Variants in GLE1 observed in about 807,000 individuals in gnomAD.
The protein encoded by GLE1 is GLE1 RNA export mediator, also known as mRNA export factor GLE1.
In GLE1, 78 loss-of-function variants were observed where a neutral mutation model predicts 97.3. The ratio of observed to expected loss-of-function variants is 0.80; its 90% confidence interval spans 0.67 to 0.97. The LOEUF (loss-of-function observed/expected upper bound fraction) is 0.97, where lower values mean the gene tolerates loss of function less well. Ranked by LOEUF, GLE1 falls within the 50% of genes least tolerant of loss-of-function variation. GLE1 has a pLI of 0.00. For missense variants in GLE1, 753 were observed against 857.5 expected (o/e 0.88, Z 1.52); for synonymous variants, 302 against 313.4 (o/e 0.96, Z 0.39).
intron 9 of GLE1, among the ~76,000 whole-genome samples, chr9:128,531,553 C>T (rs1214398293): frequency 6.8e-5 from 10 of 148,042 alleles, no homozygotes; most frequent in South Asian, 2.2e-4. Context: ...TGGATGTCGC[C>T]GGGTGTGGTG....
At chr9:128,526,147 G>A (rs1182416844) in intron 7 of GLE1, among the ~76,000 whole-genome samples, 3 of 150,560 alleles carry the variant, frequency 2.0e-5, no homozygotes, top group African/African-American at 4.9e-5. Flanking sequence ...TCAGCCTCCC[G>A]AGTAGCTGGG....
At position 128,533,839 on chromosome 9, in the gene GLE1, C is replaced by T; in HGVS notation, c.1534C>T (p.Leu512Phe). The change falls in exon 11 of 16, where the codon CTC becomes TTC. Residue 512 changes from leucine to phenylalanine, a missense_variant. Transcript: ENST00000309971. Reference protein sequence around the residue: ...IAVVASGIWELHPRVGDLILA... With the variant: ...IAVVASGIWEFHPRVGDLILA... ...AGTTGTGGCATCCGGGATCTGGGAGCTCCACCCCAGAGTGGGGGACCTCAT... is the reference window on the plus strand; with the variant it reads ...AGTTGTGGCATCCGGGATCTGGGAGTTCCACCCCAGAGTGGGGGACCTCAT... 1 of 1,611,250 alleles carries T rather than the reference C, an allele frequency of 6.2e-7. No homozygotes were observed. Among genetic ancestry groups the T allele is most frequent in the South Asian group, 1.1e-5 (1 of 91,040 alleles).
intron 15 of GLE1, chr9:128,540,601 A>G (rs1471611452): frequency 1.7e-5 from 8 of 468,496 alleles, no homozygotes; most frequent in Non-Finnish European, 3.1e-5. Flanking sequence ...CCTCTCATTA[A>G]TATATATTTT....
intron 9 of GLE1, among the ~76,000 whole-genome samples, chr9:128,531,156 G>A (rs1370946891): frequency 6.8e-6 from 1 of 146,858 alleles, no homozygotes; most frequent in African/African-American, 2.5e-5. Flanking sequence ...AGAAGTTGCG[G>A]TGATCTGAGA....
rs549769200 is a variant in GLE1 at position 128,504,859 on chromosome 9, C to G, written c.54C>G (p.Asp18Glu). ...WETLKALRSS[D>E]KGRLCYYRDW... ...CCTTGAAGGCCCTACGCAGTTCCGA[C>G]AAAGGTCGCCTTTGCTACTACCGCG... Residue 18 changes from aspartate to glutamate, a missense_variant, in exon 1 of 16, where the codon GAC becomes GAG. Physicochemically the swap from Asp to Glu is conservative, Grantham distance 45. Transcript: ENST00000309971. The G allele has an allele frequency of 8.7e-5, 141 of 1,613,630 alleles. No individual in the cohort carries two copies. In the South Asian group the frequency reaches 1.2e-3, roughly 14 times the overall value.
At chr9:128,521,959 G>A (rs2132451974) in intron 3 of GLE1, among the ~76,000 whole-genome samples, 1 of 152,306 alleles carries the variant, frequency 6.6e-6, no homozygotes, top group East Asian at 1.9e-4. Context: ...ACTTTCCTTA[G>A]TGGAGGTCCA....
In GLE1 at chr9:128,513,134, G is replaced by A. The variant is rs1251305971; in HGVS notation, c.322-2395G>A. Among the ~76,000 whole-genome samples the A allele has an allele frequency of 6.6e-5, 10 of 152,218 alleles. 1 individual carries two copies. The South Asian group carries it at 1.2e-3, about 19-fold the overall frequency. On this transcript the variant is annotated intron_variant, in intron 2 of 15. Coordinates refer to ENST00000309971, the MANE Select transcript of GLE1 (RefSeq NM_001003722.2). The stretch of plus-strand genomic sequence containing the variant: ...ATTAATTAGTTCATGTAACTAGGAA[G>A]TCTAGGAGTGCATTTGGAATCACCT...
At chr9:128,532,652 T>G in intron 9 of GLE1, 1 of 934,594 alleles carries the variant, frequency 1.1e-6, no homozygotes, top group Non-Finnish European at 1.3e-6. Flanking sequence ...ACATCTCCAT[T>G]CTTATTTTAT....
chr9:128,516,246 C>T (rs982748712), intron 3 of GLE1, among the ~76,000 whole-genome samples: 1 of 152,068 alleles, frequency 6.6e-6, no homozygotes, highest in Non-Finnish European at 1.5e-5. Context: ...GCATGAGCCA[C>T]GATGCCCAGT....
Position 128,508,994 on chromosome 9 carries a change from C to T in GLE1, c.218C>T (p.Ser73Phe). Residue 73 changes from serine (S) to phenylalanine (F), a missense_variant, in exon 2 of 16, where the codon TCT (serine) becomes TTT (phenylalanine). Coordinates refer to ENST00000309971, the MANE Select transcript of GLE1 (RefSeq NM_001003722.2). ...CCTCTGTCTGAGACTTCGCCATCCT[C>T]TACGTCAGCTTCAGCCCTAGATCAA... ...NQPLSETSPS[S>F]TSASALDQPS... The T allele has an allele frequency of 6.2e-7, 1 of 1,612,800 alleles. No homozygotes were observed. Among genetic ancestry groups the T allele is most frequent in the Non-Finnish European group, 8.5e-7 (1 of 1,178,802 alleles).
At chr9:128,534,745 G>A (rs1310582279) in intron 11 of GLE1, among the ~76,000 whole-genome samples, 6 of 150,826 alleles carry the variant, frequency 4.0e-5, no homozygotes, top group East Asian at 1.9e-4. Flanking sequence ...TTGAGACAGC[G>A]TCTCGCTTTG....
chr9:128,532,415 G>A, intron 9 of GLE1, among the ~76,000 whole-genome samples: 1 of 151,104 alleles, frequency 6.6e-6, no homozygotes, highest in East Asian at 1.9e-4. Context: ...TAGTAGAGAC[G>A]AGGTATCACC....
At chr9:128,504,938 C>G in intron 1 of GLE1, 34 bp downstream of exon 1, 1 of 1,412,118 alleles carries the variant, frequency 7.1e-7, no homozygotes, top group Non-Finnish European at 1.0e-6. Flanking sequence ...TAGGCCTTTC[C>G]GGCCCCTCGC....
At chr9:128,507,070 TTAC>T (rs2132398251) in intron 1 of GLE1, among the ~76,000 whole-genome samples, 1 of 152,350 alleles carries the variant, frequency 6.6e-6, no homozygotes, top group Non-Finnish European at 1.5e-5. Context: ...GTTCTGGAAC[TTAC>T]CTTTTCTGCA....
intron 1 of GLE1, among the ~76,000 whole-genome samples, chr9:128,508,257 C>T (rs948287133): frequency 1.3e-5 from 2 of 149,090 alleles, no homozygotes; most frequent in Non-Finnish European, 3.0e-5. Flanking sequence ...AAATAATTAG[C>T]TGAATATAGT....
chr9:128,524,763 A>T (rs1847254930), intron 6 of GLE1, among the ~76,000 whole-genome samples: 1 of 151,394 alleles, frequency 6.6e-6, no homozygotes, highest in African/African-American at 2.4e-5. Flanking sequence ...GTGGTGACGC[A>T]CACCTGTAAT....
In GLE1 at chr9:128,515,528, G is replaced by C. The variant is rs147114045; in HGVS notation, c.322-1G>C. ...TATTTTTCCATTTTCTGCTCATATAGGGCAAAGATGAGTCCCAGCACACAG... is the reference window on the plus strand; with the variant it reads ...TATTTTTCCATTTTCTGCTCATATACGGCAAAGATGAGTCCCAGCACACAG... On this transcript the variant is annotated splice_acceptor_variant, in intron 2 of 15. Transcript: ENST00000309971. LOFTEE classifies it high-confidence loss of function. 1 of 1,535,594 alleles carries C rather than the reference G, an allele frequency of 6.5e-7. No individual in the cohort carries two copies. Among genetic ancestry groups the C allele is most frequent in the Non-Finnish European group, 9.0e-7 (1 of 1,108,514 alleles).
At chr9:128,513,259 A>G (rs1846877099) in intron 2 of GLE1, among the ~76,000 whole-genome samples, 1 of 151,774 alleles carries the variant, frequency 6.6e-6, no homozygotes, top group African/African-American at 2.4e-5. Flanking sequence ...TTTTGACTCA[A>G]TCTAGTGTCC....
At chr9:128,525,635 A>G (rs1847279939) in intron 7 of GLE1, among the ~76,000 whole-genome samples, 1 of 152,224 alleles carries the variant, frequency 6.6e-6, no homozygotes. Context: ...TAGCAGATAC[A>G]TTATTTCAAT....
Sources: gnomAD v4.1 joint callset for allele counts (sites outside exome capture counted in the v4.1 genomes callset) on GRCh38, gnomAD v4.1.1 for gene constraint, MANE v1.5 for transcripts, NCBI Gene and HGNC (gene_info 2026-07-23, HGNC 2026-07-21) for gene names.